Variants in RHOH observed in about 807,000 individuals in gnomAD.
RHOH encodes ras homolog family member H.
RHOH carries 6 observed loss-of-function variants against 13.8 expected under a neutral mutation model. The ratio of observed to expected loss-of-function variants is 0.44; its 90% CI spans 0.24 to 0.86. The LOEUF is 0.86. Ranked by LOEUF, RHOH falls within the 40% of genes least tolerant of loss-of-function variation. RHOH has a pLI of 0.24. For missense variants in RHOH, 147 were observed against 244.5 expected, an observed-to-expected ratio of 0.60 and a Z score of 2.66; for synonymous variants, 117 against 103.0, an observed-to-expected ratio of 1.14 and a Z score of -0.82.
intron 1 of RHOH, among the ~76,000 whole-genome samples, chr4:40,231,694 T>C (rs1727967333): frequency 6.6e-6 from 1 of 152,226 alleles, no homozygotes; most frequent in South Asian, 2.1e-4. Flanking sequence ...CTTCTCTCCC[T>C]CTTTCTTGTC....
At chr4:40,206,934 C>T (rs961207930) in intron 1 of RHOH, among the ~76,000 whole-genome samples, 2 of 152,066 alleles carry the variant, frequency 1.3e-5, no homozygotes, top group South Asian at 2.1e-4. Context: ...TCAGGCTGGG[C>T]GCGGTGGCTC....
At chr4:40,204,276 A>T (rs954273023) in intron 1 of RHOH, among the ~76,000 whole-genome samples, 15 of 152,224 alleles carry the variant, frequency 9.9e-5, no homozygotes, top group Non-Finnish European at 1.6e-4. Flanking sequence ...CTCTTGAGAC[A>T]TGATGTGGTA....
intron 1 of RHOH, among the ~76,000 whole-genome samples, chr4:40,225,635 A>G (rs1043697417): frequency 1.3e-5 from 2 of 152,162 alleles, no homozygotes; most frequent in Non-Finnish European, 2.9e-5. Flanking sequence ...GGTGTGTGAG[A>G]GTGTCTGACT....
Position 40,243,986 on chromosome 4 carries a change from C to G in RHOH, c.*24C>G, listed in dbSNP as rs760395431. ...AAACCCCAAGAGACTTCACACAACA[C>G]TTATGTATGCACCCCAAAGACTAAT... On this transcript the variant is annotated 3_prime_UTR_variant, in exon 3 of 3. Coordinates refer to ENST00000381799, the MANE Select transcript of RHOH (RefSeq NM_004310.5). The surrounding 1 kb of genome is among the most constrained non-coding windows in gnomAD (Gnocchi z 6.2). The G allele has an allele frequency of 5.8e-6, 9 of 1,564,076 alleles. No homozygotes were observed. In the East Asian group the frequency reaches 1.8e-4, roughly 31 times the overall value.
chr4:40,212,855 G>A (rs1339063577), intron 1 of RHOH: 2 of 152,224 alleles, frequency 1.3e-5, no homozygotes, highest in Non-Finnish European at 2.9e-5. Flanking sequence ...AAACCCCCAG[G>A]GTCAGACTTC....
At position 40,220,521 on chromosome 4, in the gene RHOH, T is replaced by C. The variant is rs560936422; in HGVS notation, c.-330-22193T>C. 3.5e-4 allele frequency among the ~76,000 whole-genome samples: 54 copies of C among 152,278 alleles called. No individual in the cohort carries two copies. The South Asian group carries it at 8.1e-3, about 23-fold the overall frequency. On this transcript the variant is annotated intron_variant, in intron 1 of 2. Transcript: ENST00000381799. ...AAGTACAGCCACACCATTCTGCCTT[T>C]GTGTGGCCATTGCATGACCTCTCCA...
chr4:40,210,341 T>C (rs995308129), intron 1 of RHOH, among the ~76,000 whole-genome samples: 1 of 152,196 alleles, frequency 6.6e-6, no homozygotes, highest in Non-Finnish European at 1.5e-5. Context: ...CCTGGGCCAA[T>C]GGCTCAATAA....
chr4:40,241,447 G>A (rs1560288083), intron 1 of RHOH, among the ~76,000 whole-genome samples: 2 of 152,306 alleles, frequency 1.3e-5, no homozygotes, highest in South Asian at 2.1e-4. Flanking sequence ...CCAAGGTTCA[G>A]AGAGGTTAAG....
chr4:40,230,966 C>G (rs1727857548), intron 1 of RHOH, among the ~76,000 whole-genome samples: 1 of 152,108 alleles, frequency 6.6e-6, no homozygotes, highest in African/African-American at 2.4e-5. Flanking sequence ...CTTCTGAGAC[C>G]ACATTAAAAA....
chr4:40,243,748 G>T lies in RHOH; in HGVS notation c.362G>T (p.Arg121Leu). The T allele has an allele frequency of 1.2e-6, 2 of 1,614,018 alleles. No individual in the cohort carries two copies. Among genetic ancestry groups the T allele is most frequent in the Non-Finnish European group, 1.7e-6 (2 of 1,180,020 alleles). Residue 121 changes from arginine to leucine, a missense_variant, in exon 3 of 3, where the codon CGG (arginine) becomes CTG (leucine). By Grantham distance (102) the Arg-to-Leu change is moderately radical. Transcript: ENST00000381799. The surrounding 1 kb of genome is among the most constrained non-coding windows in gnomAD (Gnocchi z 6.2). Reference sequence around the variant, plus strand: ...GTGGTGGCCACCCAGACTGACCAGCGGGAGATGGGGCCCCACAGGGCCTCC... The same window carrying T: ...GTGGTGGCCACCCAGACTGACCAGCTGGAGATGGGGCCCCACAGGGCCTCC... Reference protein sequence around the residue: ...VLVVATQTDQREMGPHRASCV... With the variant: ...VLVVATQTDQLEMGPHRASCV...
At chr4:40,207,056 A>G (rs867399196) in intron 1 of RHOH, among the ~76,000 whole-genome samples, 43 of 152,154 alleles carry the variant, frequency 2.8e-4, no homozygotes, top group Middle Eastern at 3.4e-3. Flanking sequence ...AAACTACAAA[A>G]ATTAGCCAGG....
chr4:40,197,972 C>G (rs940581101), intron 1 of RHOH, among the ~76,000 whole-genome samples: 7 of 152,182 alleles, frequency 4.6e-5, no homozygotes, highest in Non-Finnish European at 8.8e-5. Context: ...CGTATTCAAG[C>G]AGGCAACAAG....
At chr4:40,199,006 A>T (rs1723602188) in intron 1 of RHOH, among the ~76,000 whole-genome samples, 1 of 152,134 alleles carries the variant, frequency 6.6e-6, no homozygotes, top group African/African-American at 2.4e-5. Context: ...CCAACTTTTG[A>T]GCCAGATCAC....
intron 1 of RHOH, among the ~76,000 whole-genome samples, chr4:40,217,189 G>T (rs1225675660): frequency 6.6e-6 from 1 of 152,170 alleles, no homozygotes; most frequent in Admixed American, 6.5e-5. Flanking sequence ...GAGGGTCGGG[G>T]TCTTGGAGTT....
chr4:40,199,080 A>G (rs1723614178), intron 1 of RHOH, among the ~76,000 whole-genome samples: 1 of 152,000 alleles, frequency 6.6e-6, no homozygotes, highest in Admixed American at 6.5e-5. Flanking sequence ...CAGACAAGTT[A>G]CTTAACTTCT....
intron 1 of RHOH, among the ~76,000 whole-genome samples, chr4:40,210,843 A>G (rs1177239748): frequency 6.6e-6 from 1 of 152,226 alleles, no homozygotes; most frequent in Non-Finnish European, 1.5e-5. Context: ...TAATTTGTCT[A>G]TGGTATTAAA....
At chr4:40,194,140 C>T (rs1376963838), upstream of RHOH, among the ~76,000 whole-genome samples, 1 of 152,150 alleles carries the variant, frequency 6.6e-6, no homozygotes, top group Non-Finnish European at 1.5e-5. Context: ...AACTCTTTGC[C>T]TCTTTAAATC....
chr4:40,221,338 C>T (rs1040284996), intron 1 of RHOH, among the ~76,000 whole-genome samples: 5 of 152,070 alleles, frequency 3.3e-5, no homozygotes, highest in African/African-American at 1.2e-4. Context: ...ACAGGAATAC[C>T]TCATTTGATT....
intron 1 of RHOH, among the ~76,000 whole-genome samples, chr4:40,239,396 G>T (rs1728984325): frequency 6.6e-6 from 1 of 152,102 alleles, no homozygotes; most frequent in African/African-American, 2.4e-5. Flanking sequence ...CCATGTCTGG[G>T]TATGAGACAC....
Sources: gnomAD v4.1 joint callset for allele counts (sites outside exome capture counted in the v4.1 genomes callset) on GRCh38, gnomAD v4.1.1 for gene constraint, Gnocchi (gnomAD v3.1) non-coding constraint, MANE v1.5 for transcripts, NCBI Gene and HGNC (gene_info 2026-07-23, HGNC 2026-07-21) for gene names.